The following KLHL2 variants were observed in gnomAD, a reference collection of about 807,000 sequenced individuals.
KLHL2 encodes the protein kelch like family member 2, also known as kelch-like protein 2.
Under a neutral mutation model 75.8 loss-of-function variants are expected in KLHL2, and 15 were observed. The ratio of observed to expected loss-of-function variants is 0.20; its 90% CI spans 0.13 to 0.30. KLHL2 has a LOEUF of 0.30. Among genes scored for constraint, KLHL2 ranks in the 10% least tolerant of loss-of-function variants. The pLI is 1.00. For missense variants in KLHL2, 381 were observed against 741.0 expected, an observed-to-expected ratio of 0.51 and a Z score of 5.64; for synonymous variants, 214 against 251.9, an observed-to-expected ratio of 0.85 and a Z score of 1.42.
Position 165,310,723 on chromosome 4 carries a change from G to A in KLHL2, c.1210G>A (p.Ala404Thr), listed in dbSNP as rs1746093036. 1.2e-6 allele frequency: 2 copies of A among 1,613,532 alleles called. No individual in the cohort carries two copies. The highest frequency in any genetic ancestry group is 1.7e-6 in the Non-Finnish European group (2 of 1,179,762). ...GAAVLNGLLYAVGGFDGSTGL... is the reference protein window; with the variant it reads ...GAAVLNGLLYTVGGFDGSTGL... ...TGCTGTGTTAAATGGATTATTATAC[G>A]CTGTGGGAGGCTTTGATGGGAGTAC... Residue 404 changes from alanine (A) to threonine (T), a missense_variant, in exon 10 of 15, where the codon GCT becomes ACT. Coordinates refer to ENST00000226725, the MANE Select transcript of KLHL2 (RefSeq NM_007246.4).
chr4:165,285,628 A>T (rs1252081586), intron 5 of KLHL2, among the ~76,000 whole-genome samples: 4 of 152,130 alleles, frequency 2.6e-5, no homozygotes, highest in Non-Finnish European at 5.9e-5. Flanking sequence ...GCTGGTATCG[A>T]ACTTTTGACC....
intron 4 of KLHL2, among the ~76,000 whole-genome samples, chr4:165,257,341 T>C (rs1186799027): frequency 6.6e-6 from 1 of 152,218 alleles, no homozygotes; most frequent in East Asian, 1.9e-4. Flanking sequence ...AGAACTGTCT[T>C]CTAGGAGAAT....
intron 3 of KLHL2, among the ~76,000 whole-genome samples, chr4:165,229,346 A>G (rs1263834277): frequency 6.6e-6 from 1 of 152,226 alleles, no homozygotes; most frequent in South Asian, 2.1e-4. Context: ...CTACAAGCTC[A>G]TGTTCTACTT....
chr4:165,274,821 C>T (rs1742953613), intron 5 of KLHL2, among the ~76,000 whole-genome samples: 1 of 152,210 alleles, frequency 6.6e-6, no homozygotes, highest in African/African-American at 2.4e-5. Context: ...TTTTTAATAA[C>T]ATCAGTATCT....
chr4:165,231,279 T>G (rs1460358471), intron 3 of KLHL2, among the ~76,000 whole-genome samples: 1 of 152,094 alleles, frequency 6.6e-6, no homozygotes, highest in Non-Finnish European at 1.5e-5. Flanking sequence ...TGAAAACCCA[T>G]CTCTATCAAA....
chr4:165,302,966 T>C (rs114599605), intron 8 of KLHL2, among the ~76,000 whole-genome samples: 1 of 152,196 alleles, frequency 6.6e-6, no homozygotes, highest in Non-Finnish European at 1.5e-5. Context: ...CTCAAATACC[T>C]GTGTCTTTTA....
At chr4:165,266,000 A>G (rs188775431) in intron 5 of KLHL2, among the ~76,000 whole-genome samples, 2,199 of 152,236 alleles carry the variant, frequency 0.014, 43 homozygotes, top group African/African-American at 0.049. Context: ...CTGACTTTTT[A>G]ATGATCGCCA....
chr4:165,214,094 A>G (rs548185147), intron 1 of KLHL2, among the ~76,000 whole-genome samples: 32 of 152,270 alleles, frequency 2.1e-4, no homozygotes, highest in Admixed American at 5.2e-4. Context: ...CAGAACTACA[A>G]TTTTGGGCTT....
intron 1 of KLHL2, among the ~76,000 whole-genome samples, chr4:165,211,840 C>T (rs1229239090): frequency 6.6e-6 from 1 of 152,186 alleles, no homozygotes; most frequent in Non-Finnish European, 1.5e-5. Context: ...ATCACTCCAC[C>T]TACTCCCTGC....
chr4:165,238,380 T>C lies in KLHL2; in HGVS notation c.260-398T>C, dbSNP rs3817243. ...AGTAATGCTAACCAGGTGGGTCCTT[T>C]TCAGCAGCTGTTCATTGCTATTAGC... On this transcript the variant is annotated intron_variant, in intron 3 of 14. Coordinates refer to ENST00000226725, the MANE Select transcript of KLHL2 (RefSeq NM_007246.4). Among the ~76,000 whole-genome samples the C allele has an allele frequency of 2.1e-4, 32 of 152,302 alleles. No homozygotes were observed. The East Asian group carries it at 6.2e-3, about 29-fold the overall frequency.
At chr4:165,293,385 T>A (rs896080937) in intron 5 of KLHL2, among the ~76,000 whole-genome samples, 5 of 152,216 alleles carry the variant, frequency 3.3e-5, no homozygotes, top group African/African-American at 1.2e-4. Flanking sequence ...TAAGAATTAC[T>A]AATTTTACAA....
chr4:165,257,710 T>C (rs1051728655), intron 4 of KLHL2, among the ~76,000 whole-genome samples: 1 of 152,102 alleles, frequency 6.6e-6, no homozygotes, highest in African/African-American at 2.4e-5. Context: ...TATCTCAAAA[T>C]AGAAATACAC....
chr4:165,298,751 C>T (rs904061141), intron 7 of KLHL2, among the ~76,000 whole-genome samples: 12 of 152,082 alleles, frequency 7.9e-5, no homozygotes, highest in African/African-American at 2.2e-4. Context: ...GCCTGGCTAA[C>T]GTGGTGAATC....
rs1471706429 is a variant in KLHL2 at position 165,264,721 on chromosome 4, CATATATATATATATATATGT to C, written c.544+1381_544+1400del. On this transcript the variant is annotated intron_variant, in intron 5 of 14. Coordinates refer to ENST00000226725, the MANE Select transcript of KLHL2 (RefSeq NM_007246.4). ...GTGTGTGTGTATATATATATATATA[CATATATATATATATATATGT>C]ATATATATATATATATATATATATA... Among the ~76,000 whole-genome samples, 40 of 71,202 alleles carry C rather than the reference CATATATATATATATATATGT, an allele frequency of 5.6e-4. 1 individual carries two copies. Among genetic ancestry groups the C allele is most frequent in the South Asian group, 3.3e-3 (5 of 1,536 alleles). The allele number at this position is 71,202 out of a possible 152,430, so 46.7% of individuals were successfully genotyped here.
intron 1 of KLHL2, chr4:165,208,473 A>G (rs1736989942): frequency 6.6e-6 from 1 of 152,132 alleles, no homozygotes; most frequent in Admixed American, 6.5e-5. Context: ...AGAAATCAGC[A>G]TCTTCTGTTT....
At chr4:165,269,879 A>G (rs531700338) in intron 5 of KLHL2, among the ~76,000 whole-genome samples, 2 of 152,164 alleles carry the variant, frequency 1.3e-5, no homozygotes, top group East Asian at 3.9e-4. Flanking sequence ...TTGCTAGGTT[A>G]GGGAAGTTCT....
intron 1 of KLHL2, chr4:165,210,179 G>A (rs904793978): frequency 6.4e-7 from 1 of 1,551,470 alleles, no homozygotes; most frequent in African/African-American, 1.4e-5. Flanking sequence ...GATTCTCTTT[G>A]TGTAAGTGTC....
chr4:165,246,255 G>A (rs1167309998), intron 4 of KLHL2, among the ~76,000 whole-genome samples: 1 of 152,168 alleles, frequency 6.6e-6, no homozygotes, highest in Non-Finnish European at 1.5e-5. Flanking sequence ...TATTATTTGA[G>A]CAGAGTAAAT....
chr4:165,282,193 C>T (rs1743745558), intron 5 of KLHL2, among the ~76,000 whole-genome samples: 1 of 152,198 alleles, frequency 6.6e-6, no homozygotes, highest in Non-Finnish European at 1.5e-5. Flanking sequence ...TCTGAGATGA[C>T]CTGCCTTTGA....
Sources: allele counts gnomAD v4.1 joint callset (sites outside exome capture counted in the v4.1 genomes callset), GRCh38; gene constraint gnomAD v4.1.1; transcripts MANE v1.5; gene names NCBI Gene and HGNC (gene_info 2026-07-23, HGNC 2026-07-21).